Variants in CEMIP observed in about 807,000 individuals in gnomAD.
CEMIP encodes the protein cell migration-inducing and hyaluronan-binding protein.
CEMIP carries 105 observed loss-of-function variants against 156.9 expected under a neutral mutation model. The ratio of observed to expected loss-of-function variants is 0.67; its 90% CI spans 0.57 to 0.79. The LOEUF is 0.79. CEMIP is among the 30% of genes least tolerant of loss of function. The pLI is 0.00. For synonymous variants in CEMIP, 676 were observed against 668.4 expected, an observed-to-expected ratio of 1.01 and a Z score of -0.17; for missense variants, 1,457 against 1,769.4, an observed-to-expected ratio of 0.82 and a Z score of 3.17.
intron 10 of CEMIP, among the ~76,000 whole-genome samples, chr15:80,890,607 A>G (rs964432361): frequency 6.6e-6 from 1 of 150,562 alleles, no homozygotes; most frequent in Admixed American, 6.6e-5. Flanking sequence ...ACAAAAAAAA[A>G]CCAGGCATTT....
At chr15:80,849,266 C>G (rs1404217441) in intron 1 of CEMIP, among the ~76,000 whole-genome samples, 2 of 152,006 alleles carry the variant, frequency 1.3e-5, no homozygotes, top group Non-Finnish European at 2.9e-5. Flanking sequence ...GGTGAATGAG[C>G]CACTGTGCCT....
chr15:80,898,649 C>A (rs1546427), intron 12 of CEMIP, among the ~76,000 whole-genome samples: 3 of 152,144 alleles, frequency 2.0e-5, no homozygotes, highest in African/African-American at 7.2e-5. Flanking sequence ...TGGGCTTAAG[C>A]GATCCTCCCT....
In CEMIP at chr15:80,910,575, C is replaced by T. The variant is rs143210269; in HGVS notation, c.1797+1269C>T. 3.7e-4 allele frequency among the ~76,000 whole-genome samples: 57 copies of T among 152,316 alleles called. 1 individual carries two copies. In the East Asian group the frequency reaches 7.5e-3, roughly 20 times the overall value. ...GTCTGTTGTTTCTGTGTTTTAAATGCTCTGATTTAAAACCTCCCACTGAGT... is the reference window on the plus strand; with the variant it reads ...GTCTGTTGTTTCTGTGTTTTAAATGTTCTGATTTAAAACCTCCCACTGAGT... On this transcript the variant is annotated intron_variant, in intron 14 of 29. Transcript: ENST00000394685.
At chr15:80,913,495 C>T (rs1183465596) in intron 14 of CEMIP, among the ~76,000 whole-genome samples, 1 of 152,102 alleles carries the variant, frequency 6.6e-6, no homozygotes, top group African/African-American at 2.4e-5. Flanking sequence ...GTCACAGAGA[C>T]CTGTGTTTTC....
At position 80,873,971 on chromosome 15, in the gene CEMIP, C is replaced by A. The variant is rs1274661093; in HGVS notation, c.92C>A (p.Thr31Lys). ...TLTCFPGATSTVAAGCPDQSP... is the reference protein window; with the variant it reads ...TLTCFPGATSKVAAGCPDQSP... Reference sequence around the variant, plus strand: ...ACCTGCTTCCCTGGGGCCACATCCACAGGTGAGCACTGCAAACAGATGGAC... The same window carrying A: ...ACCTGCTTCCCTGGGGCCACATCCAAAGGTGAGCACTGCAAACAGATGGAC... Residue 31 changes from threonine to lysine, a missense_variant and splice_region_variant, in exon 3 of 30, where the codon ACA (threonine) becomes AAA (lysine). Coordinates refer to ENST00000394685, the MANE Select transcript of CEMIP (RefSeq NM_001293298.2). The A allele has an allele frequency of 3.2e-6, 5 of 1,567,410 alleles. No individual in the cohort carries two copies. The African/African-American group carries it at 6.7e-5, about 21-fold the overall frequency.
At chr15:80,910,139 A>G (rs532168961) in intron 14 of CEMIP, among the ~76,000 whole-genome samples, 41 of 152,384 alleles carry the variant, frequency 2.7e-4, no homozygotes, top group Admixed American at 1.8e-3. Flanking sequence ...TAGTGGTTAA[A>G]GAAACATTTG....
chr15:80,858,731 A>T (rs1317196797), intron 1 of CEMIP, among the ~76,000 whole-genome samples: 4 of 152,194 alleles, frequency 2.6e-5, no homozygotes, highest in Admixed American at 2.6e-4. Context: ...ATCTCAAAAA[A>T]AAAAGAAAAA....
intron 7 of CEMIP, among the ~76,000 whole-genome samples, chr15:80,887,127 T>A (rs761315607): frequency 6.6e-6 from 1 of 152,138 alleles, no homozygotes; most frequent in Non-Finnish European, 1.5e-5. Context: ...CATGGAGGAA[T>A]GATGGATGTA....
At chr15:80,926,816 G>C (rs1396071647) in intron 19 of CEMIP, among the ~76,000 whole-genome samples, 1 of 124,702 alleles carries the variant, frequency 8.0e-6, no homozygotes, top group South Asian at 2.3e-4. Context: ...GAGACTGAGC[G>C]GGTGGGGGGG....
intron 1 of CEMIP, among the ~76,000 whole-genome samples, chr15:80,811,816 C>T (rs572666871): frequency 1.3e-5 from 2 of 152,086 alleles, no homozygotes; most frequent in Non-Finnish European, 2.9e-5. Flanking sequence ...CTCAGCCTCC[C>T]AAACTGTTGG....
At chr15:80,900,642 G>GTGTGTGTC (rs1567090952) in intron 12 of CEMIP, among the ~76,000 whole-genome samples, 24 of 127,212 alleles carry the variant, frequency 1.9e-4, no homozygotes, top group East Asian at 1.0e-3. Flanking sequence ...GTGTGTGTGT[G>GTGTGTGTC]TGTGTGTCTG....
At chr15:80,948,276 G>A (rs1367501468) in intron 29 of CEMIP, 1 of 205,930 alleles carries the variant, frequency 4.9e-6, no homozygotes, top group Admixed American at 5.2e-5. Context: ...GTGGGTTTCA[G>A]GGGTTTAGAG....
intron 1 of CEMIP, among the ~76,000 whole-genome samples, chr15:80,787,428 A>G (rs1895968671): frequency 6.6e-6 from 1 of 152,208 alleles, no homozygotes; most frequent in Admixed American, 6.5e-5. Flanking sequence ...GGCTCCTTCT[A>G]CTGGCCATAC....
chr15:80,914,144 C>G (rs1253885368), intron 14 of CEMIP, among the ~76,000 whole-genome samples: 1 of 152,172 alleles, frequency 6.6e-6, no homozygotes, highest in Non-Finnish European at 1.5e-5. Context: ...AAATGGGCCC[C>G]CACTTCATCT....
chr15:80,796,218 CCTGT>C lies in CEMIP; in HGVS notation c.-176+16605_-176+16608del, dbSNP rs1161361678. ...CAAATTCCTGGGCCCAAGCGATCCT[CCTGT>C]GTCGGCCTCCCGAGCAGTTGGGACT... On this transcript the variant is annotated intron_variant, in intron 1 of 29. Transcript: ENST00000394685. 4.7e-4 allele frequency among the ~76,000 whole-genome samples: 72 copies of C among 152,328 alleles called. 1 individual carries two copies. The Middle Eastern group carries it at 0.014, about 29-fold the overall frequency.
chr15:80,812,317 A>G (rs953150069), intron 1 of CEMIP, among the ~76,000 whole-genome samples: 10 of 152,220 alleles, frequency 6.6e-5, no homozygotes, highest in Non-Finnish European at 1.3e-4. Context: ...TGTCCATCTA[A>G]GGATAATTTC....
In CEMIP at chr15:80,924,629, G is replaced by A; in HGVS notation, c.2211G>A (p.Met737Ile). The A allele has an allele frequency of 6.2e-7, 1 of 1,614,136 alleles. No homozygotes were observed. The highest frequency in any genetic ancestry group is 1.1e-5 in the South Asian group (1 of 91,068). Residue 737 changes from methionine to isoleucine, a missense_variant, in exon 18 of 30, where the codon ATG (methionine) becomes ATA (isoleucine). Physicochemically the swap from Met to Ile is conservative, Grantham distance 10. Coordinates refer to ENST00000394685, the MANE Select transcript of CEMIP (RefSeq NM_001293298.2). The stretch of plus-strand genomic sequence containing the variant: ...ATATCTCTTCCCTGCAGGCTGGCAT[G>A]ATCATAGACAACGGAGTCAAAACCA... ...NRAHSNYRAG[M>I]IIDNGVKTTE...
chr15:80,875,021 ATTTTTTTT>A (rs755707756), intron 3 of CEMIP, among the ~76,000 whole-genome samples: 1 of 64,916 alleles, frequency 1.5e-5, no homozygotes, highest in Non-Finnish European at 2.7e-5. Flanking sequence ...AGCAAGTAGC[ATTTTTTTT>A]TTTTTTTTTT....
chr15:80,904,388 C>G (rs1408980980), intron 12 of CEMIP, among the ~76,000 whole-genome samples: 3 of 152,132 alleles, frequency 2.0e-5, no homozygotes, highest in African/African-American at 7.2e-5. Flanking sequence ...AAGACCCAAC[C>G]CAGTATCTGA....
Sources: gnomAD v4.1 joint callset for allele counts (sites outside exome capture counted in the v4.1 genomes callset) on GRCh38, gnomAD v4.1.1 for gene constraint, MANE v1.5 for transcripts, NCBI Gene and HGNC (gene_info 2026-07-23, HGNC 2026-07-21) for gene names.